DHX36: variants seen among roughly 807,000 people sequenced by gnomAD.
DHX36 encodes ATP-dependent DNA/RNA helicase DHX36.
DHX36 carries 50 observed loss-of-function variants against 139.0 expected under a neutral mutation model. That is an observed-to-expected ratio of 0.36 (90% confidence interval 0.29 to 0.46). The LOEUF (loss-of-function observed/expected upper bound fraction) is 0.46. Ranked by LOEUF, DHX36 falls within the 20% of genes least tolerant of loss-of-function variation. The probability of loss-of-function intolerance (pLI) is 1.00; values close to 1 mark genes in which losing one functional copy is unlikely to be tolerated. For missense variants in DHX36, 1,024 were observed against 1,211.3 expected (o/e 0.85, Z 2.29); for synonymous variants, 425 against 401.9 (o/e 1.06, Z -0.69).
chr3:154,306,420 A>G, intron 5 of DHX36, 125 bp from the exon 6 acceptor site: 1 of 743,598 alleles, frequency 1.3e-6, no homozygotes, highest in Non-Finnish European at 2.2e-6. Context: ...AAAAAAATAG[A>G]TATTAAAATC....
intron 8 of DHX36, among the ~76,000 whole-genome samples, chr3:154,303,658 T>C (rs547111210): frequency 6.6e-6 from 1 of 152,308 alleles, no homozygotes; most frequent in South Asian, 2.1e-4. Context: ...TAACACAGAA[T>C]ATCAAAGAAT....
chr3:154,284,533 T>C lies in DHX36; in HGVS notation c.2292+50A>G, dbSNP rs116767159. On this transcript the variant is annotated intron_variant, in intron 19 of 24. Coordinates refer to ENST00000496811, the MANE Select transcript of DHX36 (RefSeq NM_020865.3). ...TATGATCCTTATTCTATTATTAGCA[T>C]TTCATTTGAATAAACTATCATAATC... 2,228 of 1,440,576 alleles carry C rather than the reference T, an allele frequency of 1.5e-3. 23 individuals are homozygous for C. The African/African-American group carries it at 0.028, about 18-fold the overall frequency. 89.2% of individuals were successfully genotyped at this position (1,440,576 alleles called of 1,614,324 possible).
At chr3:154,292,765 A>C in intron 14 of DHX36, 71 bp from the exon 15 acceptor site, 7 of 1,553,890 alleles carry the variant, frequency 4.5e-6, no homozygotes, top group Non-Finnish European at 6.1e-6. Flanking sequence ...ACACACATCG[A>C]AAGCACTATT....
chr3:154,301,819 C>T (rs771125464), intron 9 of DHX36, among the ~76,000 whole-genome samples: 11 of 151,880 alleles, frequency 7.2e-5, no homozygotes, highest in Non-Finnish European at 1.2e-4. Context: ...CTGAGAGGCA[C>T]GAGGTGGGAA....
intron 12 of DHX36, among the ~76,000 whole-genome samples, chr3:154,296,097 G>A (rs780475615): frequency 5.9e-5 from 9 of 152,080 alleles, no homozygotes; most frequent in East Asian, 3.8e-4. Flanking sequence ...TAATCAAACC[G>A]ATAATATCTA....
At chr3:154,290,363 C>T (rs373883065) in intron 15 of DHX36, among the ~76,000 whole-genome samples, 3 of 152,060 alleles carry the variant, frequency 2.0e-5, no homozygotes, top group African/African-American at 7.2e-5. Context: ...AGGCCGGGCG[C>T]GATGGCTCAC....
intron 3 of DHX36, chr3:154,314,747 A>G (rs1712896951): frequency 4.3e-6 from 1 of 235,230 alleles, no homozygotes; most frequent in Non-Finnish European, 8.2e-6. Context: ...TGCACATGGC[A>G]CCTCACTAAA....
chr3:154,276,943 A>G, intron 23 of DHX36, 44 bp from the exon 24 acceptor site: 1 of 1,525,388 alleles, frequency 6.6e-7, no homozygotes, highest in Non-Finnish European at 8.9e-7. Context: ...AGGAGTCTGA[A>G]AAGATTACTA....
intron 22 of DHX36, 145 bp from the exon 23 acceptor site, chr3:154,277,863 G>T: frequency 1.5e-6 from 1 of 670,958 alleles, no homozygotes; most frequent in East Asian, 3.1e-5. Flanking sequence ...GAATAATTCA[G>T]TTTATTTTTG....
chr3:154,290,488 A>T (rs1419239762), intron 15 of DHX36, among the ~76,000 whole-genome samples: 4 of 151,908 alleles, frequency 2.6e-5, no homozygotes, highest in Non-Finnish European at 5.9e-5. Flanking sequence ...AATAATACAA[A>T]AAATTAGCTG....
At chr3:154,307,867 A>G (rs548712107) in intron 5 of DHX36, among the ~76,000 whole-genome samples, 36 of 152,296 alleles carry the variant, frequency 2.4e-4, no homozygotes, top group Non-Finnish European at 4.3e-4. Flanking sequence ...TACGGAATCA[A>G]TCTAAGTGCT....
chr3:154,315,303 G>A, intron 2 of DHX36, 23 bp from the exon 3 acceptor site: 2 of 1,570,854 alleles, frequency 1.3e-6, no homozygotes, highest in Non-Finnish European at 1.7e-6. Flanking sequence ...AATAAGAAAG[G>A]AAGAAAGGTC....
chr3:154,291,341 T>C (rs1711804675), intron 15 of DHX36, among the ~76,000 whole-genome samples: 1 of 152,224 alleles, frequency 6.6e-6, no homozygotes, highest in African/African-American at 2.4e-5. Flanking sequence ...TATTTAGCTC[T>C]ATTATTGTTT....
intron 14 of DHX36, 59 bp from the exon 15 acceptor site, chr3:154,292,753 ACACACAC>A: frequency 6.3e-7 from 1 of 1,579,262 alleles, no homozygotes; most frequent in Non-Finnish European, 8.6e-7. Flanking sequence ...ACACACACAC[ACACACAC>A]ATCGAAAGCA....
intron 10 of DHX36, 100 bp from the exon 11 acceptor site, chr3:154,300,796 T>C: frequency 3.1e-6 from 4 of 1,279,206 alleles, no homozygotes; most frequent in Non-Finnish European, 4.5e-6. Flanking sequence ...TGGAGGAACA[T>C]AATCTACAGA....
At chr3:154,316,874 G>A (rs535616151) in intron 1 of DHX36, among the ~76,000 whole-genome samples, 210 of 151,462 alleles carry the variant, frequency 1.4e-3, no homozygotes, top group Non-Finnish European at 2.4e-3. Flanking sequence ...ATAGTAAGTT[G>A]AAAAGTTGAA....
intron 7 of DHX36, 40 bp from the exon 8 acceptor site, chr3:154,305,012 T>G: frequency 1.3e-6 from 2 of 1,596,598 alleles, no homozygotes; most frequent in Non-Finnish European, 1.7e-6. Flanking sequence ...TAAAACCATT[T>G]TTCTTTAACA....
chr3:154,324,105 A>C, intron 1 of DHX36, 69 bp downstream of exon 1: 1 of 1,484,298 alleles, frequency 6.7e-7, no homozygotes, highest in South Asian at 1.3e-5. Flanking sequence ...AACCAAGAAA[A>C]AGGGGGCAGC....
chr3:154,320,432 T>C (rs990303793), intron 1 of DHX36, among the ~76,000 whole-genome samples: 3 of 152,170 alleles, frequency 2.0e-5, no homozygotes, highest in African/African-American at 7.2e-5. Context: ...CAATGGTCTA[T>C]AGAATTCAGG....
Sources: gnomAD v4.1 joint callset for allele counts (sites outside exome capture counted in the v4.1 genomes callset) on GRCh38, gnomAD v4.1.1 for gene constraint, MANE v1.5 for transcripts, NCBI Gene and HGNC (gene_info 2026-07-23, HGNC 2026-07-21) for gene names.